CDH12: variants seen among roughly 807,000 people sequenced by gnomAD.
CDH12 encodes the protein cadherin 12, also known as cadherin-12.
In CDH12, 41 loss-of-function variants were observed where a neutral mutation model predicts 74.1. The observed-to-expected ratio is 0.55, with a 90% CI of 0.43 to 0.72. CDH12 has a LOEUF of 0.72. Among genes scored for constraint, CDH12 ranks in the 30% least tolerant of loss-of-function variants. The pLI, the probability that CDH12 is intolerant of heterozygous loss-of-function variation, is 0.00. For synonymous variants in CDH12, 399 were observed against 355.0 expected, an observed-to-expected ratio of 1.12 and a Z score of -1.39; for missense variants, 945 against 977.2, an observed-to-expected ratio of 0.97 and a Z score of 0.44.
chr5:22,335,210 C>CA (rs1173047272), intron 3 of CDH12, among the ~76,000 whole-genome samples: 2 of 152,166 alleles, frequency 1.3e-5, no homozygotes, highest in Non-Finnish European at 2.9e-5. Context: ...TGCCCCCACC[C>CA]AAATCTCATC....
chr5:22,145,379 G>A (rs1658293316), intron 4 of CDH12, among the ~76,000 whole-genome samples: 1 of 151,972 alleles, frequency 6.6e-6, no homozygotes, highest in South Asian at 2.1e-4. Context: ...ACATTTGTCA[G>A]CTCGTTCATG....
rs59201709 is a variant in CDH12 at position 22,570,035 on chromosome 5, TTTTATTTATTTA to T, written c.-522-64683_-522-64672del. ...GTATAATCTTATGAAATGTATTTCG[TTTTATTTATTTA>T]TTTATTTATTTATTTATTTATTTAT... On this transcript the variant is annotated intron_variant, in intron 1 of 14. Transcript: ENST00000382254. Among the ~76,000 whole-genome samples the T allele has an allele frequency of 1.0e-3, 157 of 149,988 alleles. 2 individuals are homozygous for T. In the East Asian group the frequency reaches 0.019, roughly 18 times the overall value.
chr5:22,135,577 T>G (rs1220041662), intron 4 of CDH12, among the ~76,000 whole-genome samples: 1 of 152,066 alleles, frequency 6.6e-6, no homozygotes, highest in Non-Finnish European at 1.5e-5. Flanking sequence ...AACATTTAAT[T>G]TAGAAATAAA....
At chr5:22,815,769 C>CAAAAAAAAA (rs34135797) in intron 1 of CDH12, among the ~76,000 whole-genome samples, 5 of 97,062 alleles carry the variant, frequency 5.2e-5, no homozygotes, top group Non-Finnish European at 8.1e-5. Context: ...GACTCCGTCT[C>CAAAAAAAAA]AAAAAAAAAA....
intron 1 of CDH12, among the ~76,000 whole-genome samples, chr5:22,570,035 T>TTTTTTTTA (rs71609771): frequency 1.3e-5 from 2 of 149,990 alleles, no homozygotes; most frequent in African/African-American, 4.9e-5. Context: ...ATGTATTTCG[T>TTTTTTTTA]TTTATTTATT....
intron 1 of CDH12, among the ~76,000 whole-genome samples, chr5:22,728,266 C>T (rs1054840457): frequency 3.3e-5 from 5 of 151,548 alleles, no homozygotes; most frequent in Admixed American, 6.6e-5. Flanking sequence ...TGACATGTAA[C>T]TTTTGATTTT....
At chr5:21,983,812 T>C (rs1757409482) in intron 5 of CDH12, among the ~76,000 whole-genome samples, 1 of 152,182 alleles carries the variant, frequency 6.6e-6, no homozygotes, top group African/African-American at 2.4e-5. Flanking sequence ...TATTTATTGG[T>C]AATGCTCTTC....
intron 3 of CDH12, among the ~76,000 whole-genome samples, chr5:22,255,961 A>G (rs1279570765): frequency 6.6e-6 from 1 of 151,992 alleles, no homozygotes; most frequent in Non-Finnish European, 1.5e-5. Flanking sequence ...CCTTTATTCT[A>G]TTTTGCAGTA....
At chr5:22,655,006 G>T (rs576999516) in intron 1 of CDH12, among the ~76,000 whole-genome samples, 1 of 152,022 alleles carries the variant, frequency 6.6e-6, no homozygotes, top group Non-Finnish European at 1.5e-5. Flanking sequence ...ATAGGCAACC[G>T]TCCTTAAAAG....
intron 1 of CDH12, among the ~76,000 whole-genome samples, chr5:22,548,728 T>C (rs1738438402): frequency 6.6e-6 from 1 of 151,948 alleles, no homozygotes; most frequent in Non-Finnish European, 1.5e-5. Context: ...AGGTAAATCA[T>C]TATCCTAGAT....
At chr5:21,872,694 C>T (rs184148854) in intron 6 of CDH12, among the ~76,000 whole-genome samples, 86 of 152,172 alleles carry the variant, frequency 5.7e-4, no homozygotes, top group Non-Finnish European at 9.4e-4. Context: ...GGACCAGTTC[C>T]TGTGACTAAT....
At chr5:22,461,744 T>C (rs1382036197) in intron 2 of CDH12, among the ~76,000 whole-genome samples, 3 of 151,966 alleles carry the variant, frequency 2.0e-5, no homozygotes, top group South Asian at 2.1e-4. Context: ...TTTCATATTA[T>C]TTATTTATAT....
rs550106221 is a variant in CDH12, at chr5:22,413,236, C to G, written c.-427-7885G>C. Among the ~76,000 whole-genome samples the G allele has an allele frequency of 2.0e-5, 3 of 151,948 alleles. No individual in the cohort carries two copies. The South Asian group carries it at 6.2e-4, about 32-fold the overall frequency. ...TTTTGCAGCTATGTGAGGGAAAGAC[C>G]ATCTCCCAGGGAAAATGTATGGCAT... On this transcript the variant is annotated intron_variant, in intron 2 of 14. Coordinates refer to ENST00000382254, the MANE Select transcript of CDH12 (RefSeq NM_004061.5).
chr5:22,831,390 T>TGTGTGTGC (rs1736604503), intron 1 of CDH12, among the ~76,000 whole-genome samples: 1 of 151,252 alleles, frequency 6.6e-6, no homozygotes, highest in Non-Finnish European at 1.5e-5. Context: ...TGTGTGTGTG[T>TGTGTGTGC]GTGTGTATTT....
At chr5:22,850,168 C>T (rs1324151971) in intron 1 of CDH12, among the ~76,000 whole-genome samples, 2 of 152,008 alleles carry the variant, frequency 1.3e-5, no homozygotes, top group African/African-American at 2.4e-5. Context: ...AAGTTATTTA[C>T]TCCATTTTAT....
intron 1 of CDH12, among the ~76,000 whole-genome samples, chr5:22,735,092 T>C (rs1197954446): frequency 1.3e-5 from 2 of 152,030 alleles, no homozygotes; most frequent in African/African-American, 4.8e-5. Flanking sequence ...ATAAGTTGTG[T>C]GACCTTGAAG....
intron 5 of CDH12, among the ~76,000 whole-genome samples, chr5:22,030,150 A>C (rs1738714560): frequency 6.6e-6 from 1 of 151,752 alleles, no homozygotes; most frequent in Non-Finnish European, 1.5e-5. Context: ...GCATTAGGAG[A>C]TATACCTAAT....
chr5:22,527,922 G>A (rs994424573), intron 1 of CDH12, among the ~76,000 whole-genome samples: 4 of 152,178 alleles, frequency 2.6e-5, no homozygotes, highest in African/African-American at 7.2e-5. Flanking sequence ...AGCTCATATC[G>A]ATAAATTCAT....
intron 4 of CDH12, among the ~76,000 whole-genome samples, chr5:22,205,268 G>A (rs1302675750): frequency 1.3e-5 from 2 of 152,076 alleles, no homozygotes; most frequent in African/African-American, 4.8e-5. Flanking sequence ...CACTATCTTA[G>A]GTACTGAGTT....
Sources: gnomAD v4.1 joint callset for allele counts (sites outside exome capture counted in the v4.1 genomes callset) on GRCh38, gnomAD v4.1.1 for gene constraint, MANE v1.5 for transcripts, NCBI Gene and HGNC (gene_info 2026-07-23, HGNC 2026-07-21) for gene names.